Variants in PRSS23 observed in about 807,000 individuals in gnomAD.
PRSS23 encodes serine protease 23, also known as protease, serine 23.
PRSS23 carries 25 observed loss-of-function variants against 34.7 expected under a neutral mutation model. The ratio of observed to expected loss-of-function variants is 0.72; its 90% CI spans 0.53 to 1.01. The LOEUF (loss-of-function observed/expected upper bound fraction) is 1.01. Among genes scored for constraint, PRSS23 ranks in the 50% least tolerant of loss-of-function variants. The probability of loss-of-function intolerance (pLI) is 0.00; values close to 1 mark genes in which losing one functional copy is unlikely to be tolerated. For synonymous variants in PRSS23, 176 were observed against 186.6 expected, an observed-to-expected ratio of 0.94 and a Z score of 0.46; for missense variants, 445 against 475.6, an observed-to-expected ratio of 0.94 and a Z score of 0.60.
exon 3 of PRSS23, chr11:86,952,042 T>C: frequency 3.1e-6 from 5 of 1,614,100 alleles, no homozygotes; most frequent in South Asian, 1.1e-5. Flanking sequence ...GGAAGGTCAG[T>C]ACTGTGAAGG....
chr11:86,848,138 A>T lies in PRSS23; in HGVS notation c.206+24545A>T, dbSNP rs73526364. 9.2e-4 allele frequency among the ~76,000 whole-genome samples: 140 copies of T among 152,348 alleles called. 1 individual carries two copies. The highest frequency in any genetic ancestry group is 3.2e-3 in the African/African-American group (132 of 41,570). On this transcript the variant is annotated intron_variant, in intron 2 of 2. Transcript: ENST00000533902. Reference sequence around the variant, plus strand: ...CTCACTCTCAAATTTAAAACAAATAAAGGCAGATTTAGGGAAATTCTTGGA... The same window carrying T: ...CTCACTCTCAAATTTAAAACAAATATAGGCAGATTTAGGGAAATTCTTGGA...
At chr11:86,922,788 C>T (rs768612417) in intron 2 of PRSS23, among the ~76,000 whole-genome samples, 21 of 152,288 alleles carry the variant, frequency 1.4e-4, no homozygotes, top group Non-Finnish European at 2.8e-4. Flanking sequence ...CTGCCTATTA[C>T]CCTGGTATGT....
chr11:86,867,990 G>A (rs1009895171), intron 2 of PRSS23, among the ~76,000 whole-genome samples: 9 of 152,004 alleles, frequency 5.9e-5, no homozygotes, highest in East Asian at 1.9e-4. Context: ...TACTCGCCTC[G>A]GCCCCTCTTC....
At chr11:86,831,127 C>T (rs2134888445) in intron 2 of PRSS23, among the ~76,000 whole-genome samples, 1 of 152,156 alleles carries the variant, frequency 6.6e-6, no homozygotes, top group Admixed American at 6.5e-5. Flanking sequence ...AGAAGGTGTA[C>T]ACTCCGTGAT....
chr11:86,809,435 GC>G lies in PRSS23; in HGVS notation c.*641del, dbSNP rs1948152182. 1 of 167,014 alleles carries G rather than the reference GC, an allele frequency of 6.0e-6. No individual in the cohort carries two copies. Among genetic ancestry groups the G allele is most frequent in the Non-Finnish European group, 1.5e-5 (1 of 68,106 alleles). 10.3% of individuals were successfully genotyped at this position (167,014 alleles called of 1,614,324 possible). ...TTATAGTAAACCAGTATCCCAAGCTGCTTTTAGTTCCAAAAATAGTTTCTTT... is the reference window on the plus strand; with the variant it reads ...TTATAGTAAACCAGTATCCCAAGCTGTTTTAGTTCCAAAAATAGTTTCTTT... On this transcript the variant is annotated 3_prime_UTR_variant, in exon 2 of 2. Transcript: ENST00000280258.
At chr11:86,908,696 A>C (rs1301981880) in intron 2 of PRSS23, among the ~76,000 whole-genome samples, 1 of 152,204 alleles carries the variant, frequency 6.6e-6, no homozygotes, top group Non-Finnish European at 1.5e-5. Context: ...GTAATAATAA[A>C]CATTTTTAGG....
At chr11:86,825,404 T>G (rs369508843) in intron 2 of PRSS23, among the ~76,000 whole-genome samples, 1 of 152,206 alleles carries the variant, frequency 6.6e-6, no homozygotes, top group African/African-American at 2.4e-5. Flanking sequence ...GAGTAGGTTG[T>G]GAAAATTTTC....
At chr11:86,936,368 A>G (rs1212121323) in intron 2 of PRSS23, 1 of 152,328 alleles carries the variant, frequency 6.6e-6, no homozygotes, top group African/African-American at 2.4e-5. Context: ...CCCAGGTTCA[A>G]GTGATTCTCC....
chr11:86,902,919 C>T (rs529384889), intron 2 of PRSS23, among the ~76,000 whole-genome samples: 70 of 152,246 alleles, frequency 4.6e-4, no homozygotes, highest in Middle Eastern at 3.4e-3. Context: ...CACTAAGTAG[C>T]ATGGGCAAGC....
At chr11:86,794,081 C>A (rs1433753565) in intron 1 of PRSS23, among the ~76,000 whole-genome samples, 2 of 152,032 alleles carry the variant, frequency 1.3e-5, no homozygotes, top group Non-Finnish European at 2.9e-5. Flanking sequence ...ATCCAGACCC[C>A]ACACTGAACC....
rs140302904 is a variant in PRSS23, at chr11:86,857,940, G to A, written c.206+34347G>A. On this transcript the variant is annotated intron_variant, in intron 2 of 2. Coordinates refer to the PRSS23 transcript ENST00000533902. ...TGGACAGGGAGAGCCCAGTGAGGAC[G>A]GGCTGTCTCCCAGTATCGCAGGGGG... 3,908 of 432,160 alleles carry A rather than the reference G, an allele frequency of 9.0e-3. 33 individuals carry two copies. Among genetic ancestry groups the A allele is most frequent in the Non-Finnish European group, 0.014 (2,971 of 217,188 alleles). The allele number at this position is 432,160 out of a possible 1,614,324, so 26.8% of individuals were successfully genotyped here.
chr11:86,940,257 C>G (rs11234887), intron 2 of PRSS23, among the ~76,000 whole-genome samples: 1 of 151,916 alleles, frequency 6.6e-6, no homozygotes, highest in Non-Finnish European at 1.5e-5. Context: ...TGCAAGCTGC[C>G]GTGGCCTCTG....
chr11:86,948,530 T>TA (rs1949263289), intron 2 of PRSS23: 1 of 152,176 alleles, frequency 6.6e-6, no homozygotes. Flanking sequence ...GAGAGGCCTA[T>TA]AACCCTGTAG....
At chr11:86,887,116 A>G (rs1948807498) in intron 2 of PRSS23, among the ~76,000 whole-genome samples, 1 of 152,364 alleles carries the variant, frequency 6.6e-6, no homozygotes, top group Non-Finnish European at 1.5e-5. Flanking sequence ...CAAGATCACT[A>G]TATAGCAGAA....
At chr11:86,915,534 T>A (rs531011598) in intron 2 of PRSS23, among the ~76,000 whole-genome samples, 3 of 148,418 alleles carry the variant, frequency 2.0e-5, no homozygotes, top group Non-Finnish European at 4.5e-5. Context: ...AGAGTCGTAA[T>A]AATAATATAT....
At chr11:86,878,377 C>T (rs1948740623) in intron 2 of PRSS23, among the ~76,000 whole-genome samples, 1 of 152,136 alleles carries the variant, frequency 6.6e-6, no homozygotes, top group East Asian at 1.9e-4. Flanking sequence ...ATTCTCCTGC[C>T]TCAGCCTGCC....
At chr11:86,890,294 G>C (rs1187872470) in intron 2 of PRSS23, among the ~76,000 whole-genome samples, 1 of 151,916 alleles carries the variant, frequency 6.6e-6, no homozygotes, top group Non-Finnish European at 1.5e-5. Flanking sequence ...TTCCCCAGTT[G>C]AGTCTAATGG....
intron 2 of PRSS23, chr11:86,910,911 C>T (rs1948972895): frequency 6.6e-6 from 1 of 152,056 alleles, no homozygotes; most frequent in South Asian, 2.1e-4. Flanking sequence ...GTCAATGGCA[C>T]AAAATAGGTG....
intron 2 of PRSS23, among the ~76,000 whole-genome samples, chr11:86,916,989 T>C (rs1179104747): frequency 6.6e-6 from 1 of 152,230 alleles, no homozygotes; most frequent in African/African-American, 2.4e-5. Context: ...AAAGTTGTTT[T>C]AAGTGGCTTT....
Sources: allele counts gnomAD v4.1 joint callset (sites outside exome capture counted in the v4.1 genomes callset), GRCh38; gene constraint gnomAD v4.1.1; transcripts MANE v1.5; gene names NCBI Gene and HGNC (gene_info 2026-07-23, HGNC 2026-07-21).